Variants in METTL15 observed in about 807,000 individuals in gnomAD.
METTL15 encodes the protein methyltransferase 15, mitochondrial 12S rRNA N4-cytidine, also known as 12S rRNA N(4)-cytidine methyltransferase METTL15.
Under a neutral mutation model 38.3 loss-of-function variants are expected in METTL15, and 34 were observed. The ratio of observed to expected loss-of-function variants is 0.89; its 90% CI spans 0.68 to 1.18. The LOEUF (loss-of-function observed/expected upper bound fraction) is 1.18, where lower values mean the gene tolerates loss of function less well. Among genes scored for constraint, METTL15 ranks in the 50% most tolerant of loss-of-function variants. The probability of loss-of-function intolerance (pLI) is 0.00; values close to 1 mark genes in which losing one functional copy is unlikely to be tolerated. For missense variants in METTL15, 438 were observed against 498.4 expected, an observed-to-expected ratio of 0.88 and a Z score of 1.15; for synonymous variants, 162 against 170.9, an observed-to-expected ratio of 0.95 and a Z score of 0.41.
chr11:28,192,767 C>G (rs1051312428), intron 3 of METTL15, among the ~76,000 whole-genome samples: 1 of 151,948 alleles, frequency 6.6e-6, no homozygotes, highest in Non-Finnish European at 1.5e-5. Flanking sequence ...ATTAAATACC[C>G]TATAATCCAC....
At chr11:28,460,281 A>G (rs1200492471) in intron 6 of METTL15, among the ~76,000 whole-genome samples, 2 of 152,128 alleles carry the variant, frequency 1.3e-5, no homozygotes, top group East Asian at 1.9e-4. Flanking sequence ...TTTCTTACCA[A>G]TATCTATTTC....
At chr11:28,177,929 GA>G (rs1851136378) in intron 3 of METTL15, among the ~76,000 whole-genome samples, 1 of 151,976 alleles carries the variant, frequency 6.6e-6, no homozygotes, top group South Asian at 2.1e-4. Flanking sequence ...GGACAAAATT[GA>G]AGACATAAGC....
At chr11:28,391,039 T>C (rs1446626917) in intron 5 of METTL15, among the ~76,000 whole-genome samples, 2 of 152,188 alleles carry the variant, frequency 1.3e-5, no homozygotes, top group African/African-American at 2.4e-5. Flanking sequence ...TTGTCTGTTA[T>C]TGGTGTATAA....
chr11:28,393,494 G>C (rs1280895787), intron 5 of METTL15, among the ~76,000 whole-genome samples: 1 of 152,116 alleles, frequency 6.6e-6, no homozygotes, highest in African/African-American at 2.4e-5. Flanking sequence ...TTAGATGCCA[G>C]CTGGAGCTAT....
At chr11:28,264,345 G>T (rs939161978) in intron 4 of METTL15, among the ~76,000 whole-genome samples, 3 of 151,962 alleles carry the variant, frequency 2.0e-5, no homozygotes, top group Admixed American at 1.3e-4. Context: ...TTGATTATGA[G>T]AAATTTCTGT....
At chr11:28,286,870 G>A (rs1448941186) in intron 4 of METTL15, among the ~76,000 whole-genome samples, 1 of 151,634 alleles carries the variant, frequency 6.6e-6, no homozygotes, top group Non-Finnish European at 1.5e-5. Flanking sequence ...AGAACCAGTA[G>A]TATGTACACA....
chr11:28,113,492 A>G lies in METTL15; in HGVS notation c.158A>G (p.Gln53Arg). The G allele has an allele frequency of 1.2e-6, 2 of 1,613,078 alleles. No individual in the cohort carries two copies. Among genetic ancestry groups the G allele is most frequent in the South Asian group, 1.1e-5 (1 of 91,042 alleles). The change falls in exon 3 of 7, where the codon CAA becomes CGA. Residue 53 changes from glutamine (Q) to arginine (R), a missense_variant. Physicochemically the swap from Gln to Arg is conservative, Grantham distance 43 (BLOSUM62 1). Transcript: ENST00000407364. Reference sequence around the variant, plus strand: ...GCCCGGGAGCAAACAGATCAAACTCAAGCCCAGGAGTTACACAGATCTCAA... The same window carrying G: ...GCCCGGGAGCAAACAGATCAAACTCGAGCCCAGGAGTTACACAGATCTCAA... ...YEAREQTDQTQAQELHRSQDR... is the reference protein window; with the variant it reads ...YEAREQTDQTRAQELHRSQDR...
rs1438428138 is a variant in METTL15, at chr11:28,330,460, C to G, written c.843C>G (p.Ala281=). 5 of 1,551,642 alleles carry G rather than the reference C, an allele frequency of 3.2e-6. No homozygotes were observed. Among genetic ancestry groups the G allele is most frequent in the Non-Finnish European group, 3.5e-6 (4 of 1,146,958 alleles). Residue 281 remains alanine, a synonymous_variant, in exon 7 of 7, where the codon GCC becomes GCG. Coordinates refer to ENST00000407364, the MANE Select transcript of METTL15 (RefSeq NM_001113528.2). ...KDLLQRSTHI[A]TKTFQALRIF... is the part of the protein sequence containing the mutation. Reference sequence around the variant, plus strand: ...TACTACAGCGATCTACCCATATTGCCACCAAGACTTTCCAGGCTCTTCGCA... The same window carrying G: ...TACTACAGCGATCTACCCATATTGCGACCAAGACTTTCCAGGCTCTTCGCA...
At chr11:28,397,672 T>A (rs1850586153) in intron 5 of METTL15, among the ~76,000 whole-genome samples, 1 of 151,738 alleles carries the variant, frequency 6.6e-6, no homozygotes, top group African/African-American at 2.4e-5. Flanking sequence ...ATTGTGGAAG[T>A]CAGTGTGGCG....
At chr11:28,182,027 C>T (rs540327089) in intron 3 of METTL15, among the ~76,000 whole-genome samples, 5 of 152,220 alleles carry the variant, frequency 3.3e-5, no homozygotes, top group African/African-American at 7.2e-5. Flanking sequence ...AGCATGTTTT[C>T]GTATGTTTGT....
rs181516080 is a variant in METTL15, at chr11:28,452,094, T to C, written c.*424+27730T>C. 7.5e-4 allele frequency among the ~76,000 whole-genome samples: 114 copies of C among 152,306 alleles called. No homozygotes were observed. In the Middle Eastern group the frequency reaches 0.02, roughly 27 times the overall value. On this transcript the variant is annotated intron_variant and NMD_transcript_variant, in intron 6 of 7. Coordinates refer to the METTL15 transcript ENST00000532947. Reference sequence around the variant, plus strand: ...TTTTGGGGGACCCTGGTAGACATATTCCACCTTTGAATATAGAAAACTTTA... The same window carrying C: ...TTTTGGGGGACCCTGGTAGACATATCCCACCTTTGAATATAGAAAACTTTA...
intron 4 of METTL15, among the ~76,000 whole-genome samples, chr11:28,254,287 A>G (rs1311893814): frequency 2.0e-5 from 3 of 152,130 alleles, no homozygotes; most frequent in Non-Finnish European, 4.4e-5. Flanking sequence ...TCTTTTGTGA[A>G]ATGACTAGTC....
intron 4 of METTL15, among the ~76,000 whole-genome samples, chr11:28,262,385 C>T (rs1054592320): frequency 1.3e-5 from 2 of 150,434 alleles, no homozygotes; most frequent in East Asian, 1.9e-4. Flanking sequence ...TATAGTATAA[C>T]TGTATAGTAT....
intron 3 of METTL15, among the ~76,000 whole-genome samples, chr11:28,132,069 G>A (rs1291375578): frequency 6.6e-6 from 1 of 152,166 alleles, no homozygotes; most frequent in East Asian, 1.9e-4. Flanking sequence ...AGTTCCTGAA[G>A]TATGCATACC....
chr11:28,530,991 G>GT (rs916575417), downstream of METTL15, among the ~76,000 whole-genome samples: 15 of 150,712 alleles, frequency 1.0e-4, no homozygotes, highest in East Asian at 7.8e-4. Flanking sequence ...TATAATTCTA[G>GT]TTTTTTTTTA....
At chr11:28,171,597 A>C (rs952838391) in intron 3 of METTL15, among the ~76,000 whole-genome samples, 1 of 152,150 alleles carries the variant, frequency 6.6e-6, no homozygotes, top group African/African-American at 2.4e-5. Flanking sequence ...TTTCGTTTTA[A>C]CACATTTTTA....
At chr11:28,258,318 G>T (rs2133934746) in intron 4 of METTL15, among the ~76,000 whole-genome samples, 3 of 152,306 alleles carry the variant, frequency 2.0e-5, no homozygotes, top group Middle Eastern at 3.4e-3. Context: ...TGACTATGCT[G>T]GGTCAGACCT....
chr11:28,432,513 C>T (rs1474725875), intron 6 of METTL15, among the ~76,000 whole-genome samples: 2 of 152,210 alleles, frequency 1.3e-5, no homozygotes, highest in Admixed American at 6.5e-5. Flanking sequence ...CGAATGCTCT[C>T]TTTCAGTCAG....
intron 3 of METTL15, among the ~76,000 whole-genome samples, chr11:28,199,745 C>CTT (rs796080440): frequency 4.9e-5 from 7 of 142,346 alleles, no homozygotes; most frequent in Non-Finnish European, 7.7e-5. Flanking sequence ...ATTAAGTTGA[C>CTT]TTTTTTTTTT....
Sources: allele counts gnomAD v4.1 joint callset (sites outside exome capture counted in the v4.1 genomes callset), GRCh38; gene constraint gnomAD v4.1.1; transcripts MANE v1.5; gene names NCBI Gene and HGNC (gene_info 2026-07-23, HGNC 2026-07-21).